The following CDK15 variants were observed in gnomAD, a reference collection of about 807,000 sequenced individuals.
The protein encoded by CDK15 is cyclin dependent kinase 15.
A neutral mutation model predicts 60.3 loss-of-function variants in CDK15; 62 were observed. The ratio of observed to expected loss-of-function variants is 1.03; its 90% CI spans 0.84 to 1.27. CDK15 has a LOEUF of 1.27. Among genes scored for constraint, CDK15 ranks in the 50% most tolerant of loss-of-function variants. The pLI, the probability that CDK15 is intolerant of heterozygous loss-of-function variation, is 0.00. For synonymous variants in CDK15, 194 were observed against 195.7 expected (o/e 0.99, Z 0.07); for missense variants, 541 against 527.8 (o/e 1.03, Z -0.25).
chr2:201,843,661 G>A (rs752510119), intron 8 of CDK15, among the ~76,000 whole-genome samples: 6 of 152,102 alleles, frequency 3.9e-5, no homozygotes, highest in Non-Finnish European at 7.4e-5. Context: ...GTGTGCATGT[G>A]CGTGTATATA....
Position 201,880,180 on chromosome 2 carries a change from G to GT in CDK15, c.1198+14dup, listed in dbSNP as rs1357994754. 1 of 1,613,526 alleles carries GT rather than the reference G, an allele frequency of 6.2e-7. No homozygotes were observed. Among genetic ancestry groups the GT allele is most frequent in the East Asian group, 2.2e-5 (1 of 44,838 alleles). ...CAGCTTCCTGATGGTGAGCGAGGGA[G>GT]TGTGTGCGTGTGCGTGAGTGCATGT... is the stretch of plus-strand genomic sequence containing the variant. On this transcript the variant is annotated intron_variant, in intron 12 of 13. Coordinates refer to ENST00000652192, the MANE Select transcript of CDK15 (RefSeq NM_001366386.2).
At chr2:201,856,542 A>G (rs1289303287) in intron 10 of CDK15, among the ~76,000 whole-genome samples, 4 of 152,190 alleles carry the variant, frequency 2.6e-5, no homozygotes, top group Non-Finnish European at 5.9e-5. Context: ...ATAGAGAAAA[A>G]AGAACAAGTT....
intron 3 of CDK15, among the ~76,000 whole-genome samples, chr2:201,812,200 C>CA (rs1219042543): frequency 1.5e-5 from 2 of 135,178 alleles, no homozygotes; most frequent in South Asian, 2.3e-4. Flanking sequence ...AACAAAAAAA[C>CA]AAAAAAACAC....
intron 10 of CDK15, among the ~76,000 whole-genome samples, chr2:201,857,529 T>C (rs558217486): frequency 6.6e-6 from 1 of 152,184 alleles, no homozygotes; most frequent in South Asian, 2.1e-4. Context: ...TTTGGATTCA[T>C]TCACCCACAC....
intron 10 of CDK15, among the ~76,000 whole-genome samples, chr2:201,864,680 C>G (rs1698543059): frequency 6.6e-6 from 1 of 152,164 alleles, no homozygotes; most frequent in African/African-American, 2.4e-5. Flanking sequence ...GGATTACAGG[C>G]ATGAGCCACT....
intron 12 of CDK15, among the ~76,000 whole-genome samples, chr2:201,884,004 C>A (rs1285901384): frequency 6.6e-6 from 1 of 152,204 alleles, no homozygotes; most frequent in Non-Finnish European, 1.5e-5. Flanking sequence ...CCGCTCTGTT[C>A]TTTCAGGAAA....
intron 8 of CDK15, among the ~76,000 whole-genome samples, chr2:201,837,235 T>G (rs1697132758): frequency 6.6e-6 from 1 of 150,530 alleles, no homozygotes; most frequent in Admixed American, 6.7e-5. Context: ...CTGCAGTGAG[T>G]TTTGATGGTA....
chr2:201,841,359 T>C (rs376650575), intron 8 of CDK15, among the ~76,000 whole-genome samples: 1 of 152,230 alleles, frequency 6.6e-6, no homozygotes, highest in African/African-American at 2.4e-5. Flanking sequence ...TCCATTTGAT[T>C]GTTGTTTTCC....
chr2:201,824,901 A>G, intron 6 of CDK15: 1 of 482,744 alleles, frequency 2.1e-6, no homozygotes, highest in Non-Finnish European at 2.9e-6. Flanking sequence ...TTCATTTTCC[A>G]TAGTAGTAAA....
chr2:201,878,164 C>T (rs1463216839), intron 11 of CDK15, among the ~76,000 whole-genome samples: 6 of 152,140 alleles, frequency 3.9e-5, no homozygotes, highest in Non-Finnish European at 8.8e-5. Flanking sequence ...CCCTCTTGTG[C>T]CTTTCCAGTT....
chr2:201,847,519 A>G, intron 9 of CDK15, 45 bp downstream of exon 9: 1 of 1,559,012 alleles, frequency 6.4e-7, no homozygotes, highest in Non-Finnish European at 8.8e-7. Flanking sequence ...TCTGCATTTT[A>G]AGTTTTGAAC....
intron 12 of CDK15, among the ~76,000 whole-genome samples, chr2:201,887,794 G>A (rs995410396): frequency 7.9e-5 from 12 of 152,148 alleles, no homozygotes; most frequent in South Asian, 2.1e-4. Context: ...AGTGCACTTC[G>A]TGTTAGTTAG....
chr2:201,849,242 A>G (rs1412878768), intron 9 of CDK15, among the ~76,000 whole-genome samples: 1 of 152,236 alleles, frequency 6.6e-6, no homozygotes, highest in Non-Finnish European at 1.5e-5. Context: ...TGCACCATAA[A>G]TGCTCAATAG....
chr2:201,850,275 A>G (rs577555954), intron 9 of CDK15, among the ~76,000 whole-genome samples: 3 of 152,296 alleles, frequency 2.0e-5, no homozygotes, highest in South Asian at 4.1e-4. Flanking sequence ...TAATAAATAT[A>G]AATTTCAAAT....
intron 11 of CDK15, among the ~76,000 whole-genome samples, chr2:201,875,822 T>G (rs1699055629): frequency 6.6e-6 from 1 of 152,200 alleles, no homozygotes; most frequent in Non-Finnish European, 1.5e-5. Flanking sequence ...TATCAGAGGA[T>G]TATCTCAGAG....
intron 9 of CDK15, 102 bp from the exon 10 acceptor site, chr2:201,854,772 C>T: frequency 1.1e-6 from 1 of 920,376 alleles, no homozygotes; most frequent in Admixed American, 1.9e-5. Context: ...ACATCTGACG[C>T]TTCCCTGTTC....
At chr2:201,863,802 A>G (rs995732926) in intron 10 of CDK15, among the ~76,000 whole-genome samples, 4 of 152,182 alleles carry the variant, frequency 2.6e-5, no homozygotes, top group Admixed American at 2.0e-4. Flanking sequence ...AGACTGAGGC[A>G]GGAGAATCAC....
At chr2:201,865,800 G>A (rs1698600388) in intron 10 of CDK15, among the ~76,000 whole-genome samples, 1 of 144,196 alleles carries the variant, frequency 6.9e-6, no homozygotes, top group African/African-American at 2.6e-5. Flanking sequence ...TGAGGCAGGA[G>A]AATCTCTTGA....
intron 8 of CDK15, among the ~76,000 whole-genome samples, chr2:201,845,316 A>G (rs1697602883): frequency 6.6e-6 from 1 of 152,188 alleles, no homozygotes; most frequent in Non-Finnish European, 1.5e-5. Flanking sequence ...GTTTTTGTAT[A>G]TTTTTACAGG....
Sources: gnomAD v4.1 joint callset for allele counts (sites outside exome capture counted in the v4.1 genomes callset) on GRCh38, gnomAD v4.1.1 for gene constraint, MANE v1.5 for transcripts, NCBI Gene and HGNC (gene_info 2026-07-23, HGNC 2026-07-21) for gene names.